SRFBP1: variants seen among roughly 807,000 people sequenced by gnomAD.
SRFBP1 encodes serum response factor binding protein 1.
A neutral mutation model predicts 45.5 loss-of-function variants in SRFBP1; 47 were observed. The ratio of observed to expected loss-of-function variants is 1.03; its 90% CI spans 0.82 to 1.32. SRFBP1 has a LOEUF of 1.32. Ranked by LOEUF, SRFBP1 falls within the 40% of genes most tolerant of loss-of-function variation. The probability of loss-of-function intolerance (pLI) is 0.00; values close to 1 mark genes in which losing one functional copy is unlikely to be tolerated. For synonymous variants in SRFBP1, 203 were observed against 166.3 expected (o/e 1.22, Z -1.70); for missense variants, 621 against 484.6 (o/e 1.28, Z -2.64).
At chr5:122,048,772 G>A (rs1395605119) in intron 2 of SRFBP1, among the ~76,000 whole-genome samples, 1 of 152,050 alleles carries the variant, frequency 6.6e-6, no homozygotes, top group African/African-American at 2.4e-5. Context: ...GTTTAGTCTT[G>A]GGAGGGTATA....
chr5:122,027,950 T>C lies in SRFBP1; in HGVS notation c.*824T>C, dbSNP rs1753521572. On this transcript the variant is annotated 3_prime_UTR_variant, in exon 8 of 8. Coordinates refer to ENST00000339397, the MANE Select transcript of SRFBP1 (RefSeq NM_152546.3). ...AATGTATATTATCTAGTTTTTACTA[T>C]ACTTATTTTAAAATTTTTGAGGAAT... The C allele has an allele frequency of 6.6e-6, 1 of 152,156 alleles. No individual in the cohort carries two copies. The highest frequency in any genetic ancestry group is 1.5e-5 in the Non-Finnish European group (1 of 68,024). The allele number at this position is 152,156 out of a possible 1,614,324, so 9.4% of individuals were successfully genotyped here.
At chr5:121,969,082 T>G (rs1202257308) in intron 1 of SRFBP1, among the ~76,000 whole-genome samples, 1 of 152,200 alleles carries the variant, frequency 6.6e-6, no homozygotes, top group Non-Finnish European at 1.5e-5. Flanking sequence ...AAGTCTCCTG[T>G]CTGCTTTGCA....
chr5:122,039,378 T>A (rs957952733), intron 2 of SRFBP1, among the ~76,000 whole-genome samples: 3 of 152,168 alleles, frequency 2.0e-5, no homozygotes, highest in Non-Finnish European at 4.4e-5. Flanking sequence ...GTGTATGTTC[T>A]GGGTGTGGTA....
At chr5:122,020,994 G>GT (rs149265568) in intron 6 of SRFBP1, among the ~76,000 whole-genome samples, 192 bp downstream of exon 6, 2 of 152,280 alleles carry the variant, frequency 1.3e-5, no homozygotes, top group Non-Finnish European at 2.9e-5. Context: ...CATTTGCCTA[G>GT]TTTCATCAGA....
chr5:122,054,696 A>G (rs1047491914), intron 2 of SRFBP1, among the ~76,000 whole-genome samples: 11 of 152,304 alleles, frequency 7.2e-5, no homozygotes, highest in African/African-American at 2.4e-4. Flanking sequence ...TCTTTCTCTC[A>G]GCTTCCTTTC....
downstream of SRFBP1, among the ~76,000 whole-genome samples, chr5:122,031,704 A>G (rs550904703): frequency 6.6e-6 from 1 of 152,346 alleles, no homozygotes; most frequent in South Asian, 2.1e-4. Context: ...GTGAATGTTC[A>G]TAGTGGCATA....
chr5:122,001,711 G>A (rs573643147), intron 4 of SRFBP1, among the ~76,000 whole-genome samples: 2 of 151,884 alleles, frequency 1.3e-5, no homozygotes, highest in Non-Finnish European at 2.9e-5. Flanking sequence ...ACAGGCGCCC[G>A]CCACCGTGCC....
chr5:122,077,106 G>A, downstream of SRFBP1: 1 of 1,519,224 alleles, frequency 6.6e-7, no homozygotes, highest in Non-Finnish European at 8.8e-7. This position sits in a 1 kb window ranked among gnomAD's most constrained non-coding sequence, Gnocchi z 4.9. Context: ...CGCCCACCGG[G>A]ACTGCAGAGT....
At chr5:121,973,830 C>G (rs1292708781) in intron 1 of SRFBP1, among the ~76,000 whole-genome samples, 1 of 151,786 alleles carries the variant, frequency 6.6e-6, no homozygotes, top group Non-Finnish European at 1.5e-5. Flanking sequence ...ATGAGTGAGG[C>G]TTTGTTTTAA....
Position 122,020,820 on chromosome 5 carries a change from T to A in SRFBP1, c.1067+18T>A. 1 of 1,514,100 alleles carries A rather than the reference T, an allele frequency of 6.6e-7. No homozygotes were observed. Among genetic ancestry groups the A allele is most frequent in the Non-Finnish European group, 8.8e-7 (1 of 1,134,326 alleles). The allele number at this position is 1,514,100 out of a possible 1,614,324, so 93.8% of individuals were successfully genotyped here. ...TCTAGAAGGTAAGATTCTTTTTCTATTCTGAAATAATCATTAGTTCTTTTT... is the reference window on the plus strand; with the variant it reads ...TCTAGAAGGTAAGATTCTTTTTCTAATCTGAAATAATCATTAGTTCTTTTT... On this transcript the variant is annotated intron_variant, in intron 6 of 7. Coordinates refer to ENST00000339397, the MANE Select transcript of SRFBP1 (RefSeq NM_152546.3).
At position 122,070,319 on chromosome 5, in the gene SRFBP1, T is replaced by C. The variant is rs1580559848; in HGVS notation, n.312-4996T>C. The C allele has an allele frequency of 4.6e-6, 3 of 655,782 alleles. No individual in the cohort carries two copies. In the East Asian group the frequency reaches 8.1e-5, roughly 18 times the overall value. The allele number at this position is 655,782 out of a possible 1,614,324, so 40.6% of individuals were successfully genotyped here. On this transcript the variant is annotated intron_variant and non_coding_transcript_variant, in intron 2 of 2. Transcript: ENST00000504881. The stretch of plus-strand genomic sequence containing the variant: ...GGAGACGTTATGGAAAGAGACTGCA[T>C]ATTTTCCCCTGAAGTTCTTTAAAAT...
At chr5:122,077,301 A>G (rs1754666267), downstream of SRFBP1, 3 of 1,609,416 alleles carry the variant, frequency 1.9e-6, no homozygotes, top group South Asian at 1.1e-5. This position sits in a 1 kb window ranked among gnomAD's most constrained non-coding sequence, Gnocchi z 4.9. Context: ...TCGAGAAGCC[A>G]CATAGCTGGG....
intron 1 of SRFBP1, among the ~76,000 whole-genome samples, chr5:121,966,428 C>T (rs772837689): frequency 6.6e-6 from 1 of 152,148 alleles, no homozygotes; most frequent in Non-Finnish European, 1.5e-5. Context: ...ACCTTGTCTA[C>T]AGGTAATAAG....
intron 2 of SRFBP1, among the ~76,000 whole-genome samples, chr5:122,045,132 T>A (rs1407793567): frequency 1.3e-5 from 2 of 152,148 alleles, no homozygotes; most frequent in Non-Finnish European, 2.9e-5. Flanking sequence ...CCACATTGCT[T>A]GTTTTTGTCA....
At chr5:122,047,228 G>A (rs1753878348) in intron 2 of SRFBP1, among the ~76,000 whole-genome samples, 1 of 152,120 alleles carries the variant, frequency 6.6e-6, no homozygotes, top group Non-Finnish European at 1.5e-5. Context: ...TTTGTATAAG[G>A]TGTAAGGAAG....
chr5:121,965,977 GCTCT>G lies in SRFBP1; in HGVS notation c.36+3912_36+3915del, dbSNP rs201164787. 4.1e-3 allele frequency among the ~76,000 whole-genome samples: 630 copies of G among 152,130 alleles called. 15 individuals are homozygous for G. In the East Asian group the frequency reaches 0.053, roughly 13 times the overall value. On this transcript the variant is annotated intron_variant, in intron 1 of 7. Coordinates refer to ENST00000339397, the MANE Select transcript of SRFBP1 (RefSeq NM_152546.3). ...GAATCGGGAGTTCACTCATGATTTGGCTCTCTGTTTGTCTATTATTGGTGTATGG... is the reference window on the plus strand; with the variant it reads ...GAATCGGGAGTTCACTCATGATTTGGCTGTTTGTCTATTATTGGTGTATGG...
chr5:122,048,866 G>C (rs1753914262), intron 2 of SRFBP1, among the ~76,000 whole-genome samples: 1 of 152,126 alleles, frequency 6.6e-6, no homozygotes, highest in South Asian at 2.1e-4. Flanking sequence ...ATGGTAGTTT[G>C]TCTTTCTGTG....
At chr5:122,044,687 AT>A (rs1007742847) in intron 2 of SRFBP1, among the ~76,000 whole-genome samples, 13 of 151,502 alleles carry the variant, frequency 8.6e-5, no homozygotes, top group African/African-American at 2.9e-4. Flanking sequence ...TCTCTTACCC[AT>A]TTTCTAATGG....
intron 4 of SRFBP1, among the ~76,000 whole-genome samples, chr5:122,017,427 G>A (rs1180750746): frequency 6.6e-6 from 1 of 152,072 alleles, no homozygotes; most frequent in Non-Finnish European, 1.5e-5. Flanking sequence ...GTGTCTCTCT[G>A]TGCCCCTATA....
Sources: allele counts gnomAD v4.1 joint callset (sites outside exome capture counted in the v4.1 genomes callset), GRCh38; gene constraint gnomAD v4.1.1; non-coding constraint Gnocchi (gnomAD v3.1); transcripts MANE v1.5; gene names NCBI Gene and HGNC (gene_info 2026-07-23, HGNC 2026-07-21).